PRKCA: variants seen among roughly 807,000 people sequenced by gnomAD.
PRKCA encodes protein kinase C alpha type.
Under a neutral mutation model 87.0 loss-of-function variants are expected in PRKCA, and 27 were observed. The observed-to-expected ratio is 0.31, with a 90% CI of 0.23 to 0.43. The LOEUF (loss-of-function observed/expected upper bound fraction) is 0.43, where lower values mean the gene tolerates loss of function less well. Among genes scored for constraint, PRKCA ranks in the 20% least tolerant of loss-of-function variants. PRKCA has a pLI of 1.00. For synonymous variants in PRKCA, 329 were observed against 311.1 expected (o/e 1.06, Z -0.61); for missense variants, 518 against 852.3 (o/e 0.61, Z 4.88).
chr17:66,432,194 G>A (rs1244255410), intron 2 of PRKCA, among the ~76,000 whole-genome samples: 4 of 152,318 alleles, frequency 2.6e-5, no homozygotes, highest in East Asian at 1.9e-4. Flanking sequence ...CTTGGGAAGC[G>A]TGAAGTTCGA....
intron 10 of PRKCA, among the ~76,000 whole-genome samples, chr17:66,736,304 G>A (rs564492015): frequency 6.7e-6 from 1 of 149,094 alleles, no homozygotes; most frequent in East Asian, 2.0e-4. Flanking sequence ...TTGAGACGGA[G>A]TCACTCTCTC....
intron 3 of PRKCA, among the ~76,000 whole-genome samples, chr17:66,626,606 G>A (rs975118980): frequency 2.0e-5 from 3 of 150,928 alleles, no homozygotes; most frequent in Admixed American, 6.6e-5. Context: ...TGCTGACCTC[G>A]TGATCCGCCT....
At chr17:66,643,916 G>A (rs1971380744) in intron 4 of PRKCA, among the ~76,000 whole-genome samples, 1 of 152,208 alleles carries the variant, frequency 6.6e-6, no homozygotes, top group Non-Finnish European at 1.5e-5. Flanking sequence ...TGAAATTAGA[G>A]CAAATCAGCT....
chr17:66,448,721 A>G (rs1914159861), intron 2 of PRKCA, among the ~76,000 whole-genome samples: 1 of 152,160 alleles, frequency 6.6e-6, no homozygotes, highest in African/African-American at 2.4e-5. Flanking sequence ...ACCAAAAAAA[A>G]TTCAGCAACA....
intron 2 of PRKCA, among the ~76,000 whole-genome samples, chr17:66,442,061 TCTC>T (rs1375779185): frequency 5.1e-5 from 7 of 138,074 alleles, no homozygotes; most frequent in Admixed American, 4.3e-4. Context: ...TGTTAGTCTC[TCTC>T]TCTTTTTTTT....
intron 3 of PRKCA, among the ~76,000 whole-genome samples, chr17:66,568,149 T>C (rs1301474826): frequency 6.6e-6 from 1 of 152,076 alleles, no homozygotes; most frequent in Admixed American, 6.6e-5. Context: ...ACCCCATCTC[T>C]AGTAAAATTA....
chr17:66,639,864 A>AT (rs1380815736), intron 3 of PRKCA, among the ~76,000 whole-genome samples: 1 of 152,006 alleles, frequency 6.6e-6, no homozygotes, highest in East Asian at 2.0e-4. Flanking sequence ...GTGTGGTGGC[A>AT]GGCACTTGTA....
chr17:66,650,626 T>C (rs1028515064), intron 5 of PRKCA, among the ~76,000 whole-genome samples: 2 of 152,192 alleles, frequency 1.3e-5, no homozygotes, highest in Non-Finnish European at 2.9e-5. Flanking sequence ...AGTTTTAAAC[T>C]GAACTCTGGT....
chr17:66,367,107 A>G (rs1391583203), intron 2 of PRKCA, among the ~76,000 whole-genome samples: 4 of 152,256 alleles, frequency 2.6e-5, no homozygotes, highest in Non-Finnish European at 4.4e-5. Flanking sequence ...AAAGCAAGGC[A>G]TTTATAACTG....
chr17:66,656,656 G>C (rs990143992), intron 5 of PRKCA, among the ~76,000 whole-genome samples: 1 of 152,122 alleles, frequency 6.6e-6, no homozygotes, highest in Non-Finnish European at 1.5e-5. Flanking sequence ...GAGATCTTGG[G>C]GGATCAGGAG....
chr17:66,732,083 A>G lies in PRKCA; in HGVS notation c.919-605A>G, dbSNP rs551414024. Reference sequence around the variant, plus strand: ...GGGATCTCTTCTTATGCACATCACCATGTCTTTTTGTGAGTTCAACTCTTG... The same window carrying G: ...GGGATCTCTTCTTATGCACATCACCGTGTCTTTTTGTGAGTTCAACTCTTG... On this transcript the variant is annotated intron_variant, in intron 8 of 16. Coordinates refer to ENST00000413366, the MANE Select transcript of PRKCA (RefSeq NM_002737.3). 1.4e-4 allele frequency among the ~76,000 whole-genome samples: 21 copies of G among 145,842 alleles called. No individual in the cohort carries two copies. The East Asian group carries it at 4.3e-3, about 30-fold the overall frequency.
intron 3 of PRKCA, among the ~76,000 whole-genome samples, chr17:66,501,172 G>A (rs941529532): frequency 2.6e-5 from 4 of 152,154 alleles, no homozygotes; most frequent in African/African-American, 9.7e-5. Context: ...CGGTACCCAG[G>A]TTACAGTAGC....
chr17:66,684,185 A>G (rs933268377), intron 5 of PRKCA, among the ~76,000 whole-genome samples: 25 of 152,184 alleles, frequency 1.6e-4, no homozygotes, highest in Non-Finnish European at 8.8e-5. Context: ...ATTGTTCTCC[A>G]CCAGTAACTT....
At position 66,530,317 on chromosome 17, in the gene PRKCA, A is replaced by G. The variant is rs142327727; in HGVS notation, c.288+34034A>G. Among the ~76,000 whole-genome samples the G allele has an allele frequency of 2.0e-3, 300 of 152,320 alleles. 1 individual carries two copies. The highest frequency in any genetic ancestry group is 6.7e-3 in the African/African-American group (279 of 41,586). ...CCCTGAAACACCAAGACTCATTAAT[A>G]TATGCATACATGGATGGCAGAATAA... On this transcript the variant is annotated intron_variant, in intron 3 of 16. Coordinates refer to ENST00000413366, the MANE Select transcript of PRKCA (RefSeq NM_002737.3).
chr17:66,585,683 C>T (rs1357498282), intron 3 of PRKCA, among the ~76,000 whole-genome samples: 5 of 152,168 alleles, frequency 3.3e-5, no homozygotes, highest in East Asian at 1.9e-4. Flanking sequence ...TGGGGAGCCG[C>T]GGAGCAGGGA....
intron 14 of PRKCA, among the ~76,000 whole-genome samples, chr17:66,781,159 G>T (rs1251837611): frequency 6.6e-6 from 1 of 152,152 alleles, no homozygotes; most frequent in Non-Finnish European, 1.5e-5. Context: ...GAATGTGCTG[G>T]TCATTACTGC....
Position 66,641,461 on chromosome 17 carries a change from G to A in PRKCA, c.395G>A (p.Cys132Tyr). 1 of 1,603,932 alleles carries A rather than the reference G, an allele frequency of 6.2e-7. No individual in the cohort carries two copies. Among genetic ancestry groups the A allele is most frequent in the East Asian group, 2.2e-5 (1 of 44,666 alleles). Residue 132 changes from cysteine (C) to tyrosine (Y), a missense_variant, in exon 4 of 17, where the codon TGT becomes TAT. Coordinates refer to ENST00000413366, the MANE Select transcript of PRKCA (RefSeq NM_002737.3). ...LYGLIHQGMK[C>Y]DTCDMNVHKQ... ...GGACTTATCCATCAAGGGATGAAATGTGACAGTAAGTAAGTTTTCTTTTCC... is the reference window on the plus strand; with the variant it reads ...GGACTTATCCATCAAGGGATGAAATATGACAGTAAGTAAGTTTTCTTTTCC...
intron 8 of PRKCA, among the ~76,000 whole-genome samples, chr17:66,732,422 G>A (rs780763476): frequency 3.3e-5 from 5 of 152,146 alleles, no homozygotes; most frequent in Non-Finnish European, 5.9e-5. Flanking sequence ...AGCCCTTCAC[G>A]GATCCCCACG....
At chr17:66,796,537 C>T in intron 16 of PRKCA, 4 of 985,372 alleles carry the variant, frequency 4.1e-6, no homozygotes, top group Non-Finnish European at 4.8e-6. Context: ...AATGAGCAAA[C>T]TAACCCCACT....
Sources: allele counts gnomAD v4.1 joint callset (sites outside exome capture counted in the v4.1 genomes callset), GRCh38; gene constraint gnomAD v4.1.1; transcripts MANE v1.5; gene names NCBI Gene and HGNC (gene_info 2026-07-23, HGNC 2026-07-21).